PUDP: variants seen among roughly 807,000 people sequenced by gnomAD.
PUDP encodes pseudouridine 5'-phosphatase, also known as pseudouridine-5'-phosphatase.
A neutral mutation model predicts 9.4 loss-of-function variants in PUDP; 8 were observed. That is an observed-to-expected ratio of 0.85 (90% confidence interval 0.50 to 1.53). The LOEUF (loss-of-function observed/expected upper bound fraction) is 1.53. Among genes scored for constraint, PUDP ranks in the 40% most tolerant of loss-of-function variants. The probability of loss-of-function intolerance (pLI) is 0.00; values close to 1 mark genes in which losing one functional copy is unlikely to be tolerated. For synonymous variants in PUDP, 99 were observed against 80.7 expected (o/e 1.23, Z -1.22); for missense variants, 188 against 189.7 (o/e 0.99, Z 0.05).
chrX:6,828,980 T>C (rs957728953), intron 3 of PUDP, among the ~76,000 whole-genome samples: 1 of 110,868 alleles, frequency 9.0e-6, no homozygotes, highest in Non-Finnish European at 1.9e-5. Flanking sequence ...AAAATTCCTG[T>C]GTCAAAATCG....
chrX:6,732,576 AGAGG>A (rs1189148778), intron 3 of PUDP, among the ~76,000 whole-genome samples: 4 of 86,530 alleles, frequency 4.6e-5, no homozygotes, highest in Admixed American at 1.4e-4. Context: ...AGGGAGGGAG[AGAGG>A]GAGGGAGGGA....
intron 3 of PUDP, among the ~76,000 whole-genome samples, chrX:6,759,860 G>A (rs868431591): frequency 9.6e-6 from 1 of 104,039 alleles, no homozygotes; most frequent in African/African-American, 3.5e-5. Flanking sequence ...CATTGTGGAC[G>A]CTTCTCATTC....
chrX:6,709,369 T>A (rs1466294995), intron 1 of PUDP, among the ~76,000 whole-genome samples: 1 of 111,400 alleles, frequency 9.0e-6, no homozygotes, highest in East Asian at 2.8e-4. Context: ...CTTATACCCA[T>A]CCTCCAGTCC....
At chrX:6,877,579 G>A (rs957821848) in intron 3 of PUDP, among the ~76,000 whole-genome samples, 24 of 111,242 alleles carry the variant, frequency 2.2e-4, no homozygotes, top group African/African-American at 7.5e-4. Context: ...GAGAGTCAAC[G>A]ACGAAGTCCC....
At position 7,077,304 on chromosome X, in the gene PUDP, G is replaced by A. The variant is rs1281356423; in HGVS notation, c.426C>T (p.Asp142=). Residue 142 remains aspartate (D), a synonymous_variant, in exon 3 of 4, where the codon GAC becomes GAT. Coordinates refer to ENST00000381077, the MANE Select transcript of PUDP (RefSeq NM_012080.5). ...SLFSHIVLGD[D]PEVQHGKPDP... Reference sequence around the variant, plus strand: ...CTGGCTTGCCATGCTGCACTTCGGGGTCATCTCCCAGCACAATGTGGGAAA... The same window carrying A: ...CTGGCTTGCCATGCTGCACTTCGGGATCATCTCCCAGCACAATGTGGGAAA... The A allele has an allele frequency of 2.5e-6, 3 of 1,210,234 alleles. No homozygotes were observed. Among genetic ancestry groups the A allele is most frequent in the South Asian group, 3.5e-5 (2 of 56,577 alleles).
At chrX:6,815,105 C>T (rs1309962428) in intron 3 of PUDP, among the ~76,000 whole-genome samples, 1 of 108,206 alleles carries the variant, frequency 9.2e-6, no homozygotes, top group African/African-American at 3.5e-5. Flanking sequence ...CTCTCATTTT[C>T]CTGACCAATG....
At chrX:6,786,735 CT>C (rs1477973398) in intron 3 of PUDP, among the ~76,000 whole-genome samples, 2 of 111,931 alleles carry the variant, frequency 1.8e-5, no homozygotes, top group East Asian at 5.6e-4. Flanking sequence ...TTTCCTGCCT[CT>C]TTTTGCTTAT....
At chrX:6,957,656 C>T (rs1928646931) in intron 3 of PUDP, among the ~76,000 whole-genome samples, 1 of 112,043 alleles carries the variant, frequency 8.9e-6, no homozygotes, top group African/African-American at 3.2e-5. Flanking sequence ...TAACAAATAC[C>T]TGAGAATTTG....
intron 3 of PUDP, among the ~76,000 whole-genome samples, chrX:6,884,308 C>T (rs185201068): frequency 1.5e-4 from 17 of 111,395 alleles, no homozygotes; most frequent in Non-Finnish European, 3.0e-4. Flanking sequence ...ATGAGGACAT[C>T]CTCCTCAGAG....
chrX:6,980,550 T>C (rs1445496626), intron 1 of PUDP, among the ~76,000 whole-genome samples: 1 of 110,585 alleles, frequency 9.0e-6, no homozygotes, highest in Non-Finnish European at 1.9e-5. Context: ...TGTTGACCAT[T>C]AGCACCTCCA....
In PUDP at chrX:6,942,427, C is replaced by T. The variant is rs564658818; in HGVS notation, c.*247+34706G>A. 2.7e-3 allele frequency among the ~76,000 whole-genome samples: 296 copies of T among 111,560 alleles called. 3 individuals are homozygous for T. Among genetic ancestry groups the T allele is most frequent in the African/African-American group, 9.1e-3 (280 of 30,724 alleles). ...ATCTTAAGATGACAGACTTCCTTTA[C>T]GTAATCTGAGACCTATCAGAGAACT... On this transcript the variant is annotated intron_variant and NMD_transcript_variant, in intron 3 of 3. Transcript: ENST00000655425.
At chrX:6,884,168 A>T (rs1927390068) in intron 3 of PUDP, among the ~76,000 whole-genome samples, 1 of 111,322 alleles carries the variant, frequency 9.0e-6, no homozygotes, top group Non-Finnish European at 1.9e-5. Flanking sequence ...TCCATTTCAC[A>T]CTTTCCTTTT....
chrX:6,970,463 C>T (rs376485369), intron 3 of PUDP, among the ~76,000 whole-genome samples: 1 of 111,275 alleles, frequency 9.0e-6, no homozygotes, highest in South Asian at 3.8e-4. Context: ...TGGATTTGAG[C>T]GAACCCAAGA....
intron 1 of PUDP, among the ~76,000 whole-genome samples, chrX:6,983,860 G>A (rs942309001): frequency 6.2e-5 from 7 of 112,259 alleles, no homozygotes; most frequent in African/African-American, 1.9e-4. Flanking sequence ...TACATAGGGC[G>A]TACCCCAAGT....
chrX:7,068,129 C>A (rs947412713), intron 3 of PUDP, among the ~76,000 whole-genome samples: 4 of 111,764 alleles, frequency 3.6e-5, no homozygotes, highest in Non-Finnish European at 7.5e-5. Flanking sequence ...CACACTATAG[C>A]TGGGAATGTA....
At chrX:6,983,080 C>T (rs952320867) in intron 1 of PUDP, among the ~76,000 whole-genome samples, 1 of 112,376 alleles carries the variant, frequency 8.9e-6, no homozygotes, top group East Asian at 2.8e-4. Flanking sequence ...AAGCCAGGCA[C>T]AAAAGGTCAT....
chrX:7,081,001 G>GA (rs772472757), intron 2 of PUDP, among the ~76,000 whole-genome samples: 1 of 110,259 alleles, frequency 9.1e-6, no homozygotes, highest in East Asian at 2.8e-4. Flanking sequence ...AAAACAATCT[G>GA]AATTTAAAAC....
intron 3 of PUDP, among the ~76,000 whole-genome samples, chrX:6,871,488 T>A: frequency 8.9e-6 from 1 of 112,204 alleles, no homozygotes; most frequent in South Asian, 3.7e-4. Flanking sequence ...TTGAAGGATG[T>A]CAGCTATTCA....
chrX:7,064,811 T>C (rs1337569453), intron 3 of PUDP, among the ~76,000 whole-genome samples: 1 of 111,969 alleles, frequency 8.9e-6, no homozygotes, highest in East Asian at 2.8e-4. Flanking sequence ...GAAAACGTAT[T>C]TTCTTAACCC....
Sources: gnomAD v4.1 joint callset for allele counts (sites outside exome capture counted in the v4.1 genomes callset) on GRCh38, gnomAD v4.1.1 for gene constraint, MANE v1.5 for transcripts, NCBI Gene and HGNC (gene_info 2026-07-23, HGNC 2026-07-21) for gene names.